DLGAP2: variants seen among roughly 807,000 people sequenced by gnomAD.
DLGAP2 encodes the protein disks large-associated protein 2.
In DLGAP2, 26 loss-of-function variants were observed where a neutral mutation model predicts 100.3. That is an observed-to-expected ratio of 0.26 (90% CI 0.19 to 0.36). The LOEUF is 0.36. Among genes scored for constraint, DLGAP2 ranks in the 10% least tolerant of loss-of-function variants. The pLI is 1.00. For missense variants in DLGAP2, 1,858 were observed against 1,453.2 expected (o/e 1.28, Z -4.53); for synonymous variants, 886 against 630.1 (o/e 1.41, Z -6.08).
At chr8:1,187,686 C>A (rs539947190) in intron 2 of DLGAP2, among the ~76,000 whole-genome samples, 1 of 147,318 alleles carries the variant, frequency 6.8e-6, no homozygotes, top group Admixed American at 6.8e-5. Flanking sequence ...ATTTCCCTCA[C>A]ACGCCCAGGA....
At chr8:1,314,667 G>C (rs1289752181) in intron 3 of DLGAP2, among the ~76,000 whole-genome samples, 3 of 152,180 alleles carry the variant, frequency 2.0e-5, no homozygotes. Flanking sequence ...GGGTCTGTCC[G>C]CCTGGGGCTG....
chr8:1,488,109 C>G (rs1799277092), intron 3 of DLGAP2, among the ~76,000 whole-genome samples: 1 of 152,172 alleles, frequency 6.6e-6, no homozygotes, highest in East Asian at 1.9e-4. Context: ...GATTTCTTGA[C>G]AAGCCCACTC....
At chr8:778,196 T>G (rs1420876749) in intron 1 of DLGAP2, among the ~76,000 whole-genome samples, 1 of 152,202 alleles carries the variant, frequency 6.6e-6, no homozygotes, top group Non-Finnish European at 1.5e-5. Flanking sequence ...TTCAGCTCCA[T>G]CAGCTCCTTT....
chr8:1,160,485 T>C (rs188476216), intron 2 of DLGAP2, among the ~76,000 whole-genome samples: 4 of 152,294 alleles, frequency 2.6e-5, no homozygotes, highest in Admixed American at 2.6e-4. Context: ...GGGGAGTCTT[T>C]TGTGGTCATT....
intron 2 of DLGAP2, among the ~76,000 whole-genome samples, chr8:1,072,219 A>C (rs1246522780): frequency 2.6e-5 from 4 of 152,114 alleles, no homozygotes; most frequent in Admixed American, 6.5e-5. Flanking sequence ...GGGGACCGGG[A>C]GCCTCCTGAT....
intron 2 of DLGAP2, among the ~76,000 whole-genome samples, chr8:997,431 T>C (rs1800812156): frequency 6.6e-6 from 1 of 152,158 alleles, no homozygotes; most frequent in Non-Finnish European, 1.5e-5. Context: ...ATTGAACCAA[T>C]ATAGAAAACT....
chr8:1,252,485 C>G (rs1799068563), intron 2 of DLGAP2, among the ~76,000 whole-genome samples: 1 of 152,154 alleles, frequency 6.6e-6, no homozygotes, highest in Non-Finnish European at 1.5e-5. Flanking sequence ...TGTCCTGGGT[C>G]ACAGTGTCAC....
At chr8:738,005 T>C (rs1820363979) in intron 1 of DLGAP2, 180 bp downstream of exon 1, 3 of 318,012 alleles carry the variant, frequency 9.4e-6, no homozygotes, top group Non-Finnish European at 1.7e-5. Context: ...AGGGACAGCC[T>C]GTGCTCGGGG....
intron 2 of DLGAP2, among the ~76,000 whole-genome samples, chr8:1,061,684 G>C (rs748504118): frequency 6.6e-6 from 1 of 151,962 alleles, no homozygotes; most frequent in African/African-American, 2.4e-5. Context: ...CGGGGCCCAG[G>C]TGAGTGGCAC....
chr8:1,421,422 C>T (rs1333014106), intron 3 of DLGAP2, among the ~76,000 whole-genome samples: 1 of 152,182 alleles, frequency 6.6e-6, no homozygotes, highest in Non-Finnish European at 1.5e-5. Context: ...TAATAACACC[C>T]ACACAAGAGA....
chr8:903,293 C>G (rs1798300362), intron 1 of DLGAP2, among the ~76,000 whole-genome samples: 1 of 151,984 alleles, frequency 6.6e-6, no homozygotes, highest in Non-Finnish European at 1.5e-5. Flanking sequence ...GTAGGATAAG[C>G]GAGTTGTAGG....
At position 1,507,465 on chromosome 8, in the gene DLGAP2, G is replaced by A. The variant is rs933133199; in HGVS notation, c.172+6034G>A. On this transcript the variant is annotated intron_variant, in intron 4 of 14. Transcript: ENST00000637795. Reference sequence around the variant, plus strand: ...CCAAGTGCGGGGCCGCGGAGCCCGCGCCCACCCAGAACTCGCGCTGGCCCA... The same window carrying A: ...CCAAGTGCGGGGCCGCGGAGCCCGCACCCACCCAGAACTCGCGCTGGCCCA... Among the ~76,000 whole-genome samples, 21 of 152,246 alleles carry A rather than the reference G, an allele frequency of 1.4e-4. No homozygotes were observed. The East Asian group carries it at 2.1e-3, about 15-fold the overall frequency.
At chr8:1,482,302 A>G (rs1166393134) in intron 3 of DLGAP2, among the ~76,000 whole-genome samples, 1 of 152,236 alleles carries the variant, frequency 6.6e-6, no homozygotes, top group Non-Finnish European at 1.5e-5. Context: ...TGGGCAGGAC[A>G]GCACCGTGGT....
chr8:1,191,066 G>C (rs1797624023), intron 2 of DLGAP2, among the ~76,000 whole-genome samples: 1 of 152,180 alleles, frequency 6.6e-6, no homozygotes, highest in South Asian at 2.1e-4. Flanking sequence ...ACGGGGAGAG[G>C]CTGGGTTCTG....
chr8:1,044,530 T>C (rs1802463856), intron 2 of DLGAP2, among the ~76,000 whole-genome samples: 1 of 152,210 alleles, frequency 6.6e-6, no homozygotes, highest in Non-Finnish European at 1.5e-5. Context: ...CTTTGCCAGT[T>C]TGGGATCAGG....
chr8:849,891 C>T (rs1035363144), intron 1 of DLGAP2, among the ~76,000 whole-genome samples: 1 of 152,060 alleles, frequency 6.6e-6, no homozygotes, highest in Non-Finnish European at 1.5e-5. Flanking sequence ...TGGTGAAACC[C>T]CATCTCTACT....
At chr8:1,190,518 G>A (rs769259725) in intron 2 of DLGAP2, among the ~76,000 whole-genome samples, 10 of 152,236 alleles carry the variant, frequency 6.6e-5, no homozygotes, top group Non-Finnish European at 1.3e-4. Flanking sequence ...GGAGGCACCC[G>A]TCCCGTTCGA....
chr8:1,148,809 C>T (rs1471672822), intron 2 of DLGAP2, among the ~76,000 whole-genome samples: 1 of 152,114 alleles, frequency 6.6e-6, no homozygotes, highest in Non-Finnish European at 1.5e-5. Flanking sequence ...ATTTCAATTA[C>T]TTGAGCTTTT....
chr8:1,149,380 C>G (rs1796660190), intron 2 of DLGAP2, among the ~76,000 whole-genome samples: 1 of 152,152 alleles, frequency 6.6e-6, no homozygotes, highest in Admixed American at 6.5e-5. Context: ...ATCTCCGGAC[C>G]TCGTGATCCG....
Sources: gnomAD v4.1 joint callset for allele counts (sites outside exome capture counted in the v4.1 genomes callset) on GRCh38, gnomAD v4.1.1 for gene constraint, MANE v1.5 for transcripts, NCBI Gene and HGNC (gene_info 2026-07-23, HGNC 2026-07-21) for gene names.